Variants in FBXL6 observed in about 807,000 individuals in gnomAD.
The protein encoded by FBXL6 is F-box/LRR-repeat protein 6.
FBXL6 carries 50 observed loss-of-function variants against 53.3 expected under a neutral mutation model. That is an observed-to-expected ratio of 0.94 (90% CI 0.75 to 1.19). FBXL6 has a LOEUF of 1.19. Among genes scored for constraint, FBXL6 ranks in the 50% most tolerant of loss-of-function variants. The pLI is 0.00. For synonymous variants in FBXL6, 405 were observed against 322.9 expected (o/e 1.25, Z -2.73); for missense variants, 815 against 719.0 (o/e 1.13, Z -1.53).
chr8:144,356,483 C>T lies in FBXL6; in HGVS notation c.1042G>A (p.Gly348Arg), dbSNP rs782580052. The T allele has an allele frequency of 3.5e-5, 56 of 1,613,006 alleles. No individual in the cohort carries two copies. The highest frequency in any genetic ancestry group is 4.5e-5 in the Non-Finnish European group (53 of 1,180,022). ...LMWLPKPPGR[G>R]VAPGPGFPSL... ...GGGAAGCCTGGTCCGGGAGCCACCCCTCGTCCCGGAGGCTTGGGCAGCCAC... is the reference window on the plus strand; with the variant it reads ...GGGAAGCCTGGTCCGGGAGCCACCCTTCGTCCCGGAGGCTTGGGCAGCCAC... The change falls in exon 7 of 9, where the codon GGG becomes AGG. Residue 348 changes from glycine to arginine, a missense_variant. Transcript: ENST00000331890.
chr8:144,356,988 A>C lies in FBXL6; in HGVS notation c.771+2T>G. The C allele has an allele frequency of 1.2e-6, 2 of 1,613,012 alleles. No homozygotes were observed. Among genetic ancestry groups the C allele is most frequent in the Non-Finnish European group, 1.7e-6 (2 of 1,180,012 alleles). The stretch of plus-strand genomic sequence containing the variant: ...CAGGGCCCCTTGGGACACAGGGCTC[A>C]CCATGGAGTGCTGTAGGTCCAGGCT... On this transcript the variant is annotated splice_donor_variant, in intron 4 of 8. Coordinates refer to ENST00000331890, the MANE Select transcript of FBXL6 (RefSeq NM_012162.4). LOFTEE classifies it high-confidence loss of function.
chr8:144,355,676 G>A lies in FBXL6; in HGVS notation c.1475C>T (p.Ser492Phe). 6.2e-7 allele frequency: 1 copy of A among 1,610,548 alleles called. No homozygotes were observed. The highest frequency in any genetic ancestry group is 1.3e-5 in the African/African-American group (1 of 74,968). Residue 492 changes from serine (S) to phenylalanine (F), a missense_variant and splice_region_variant, in exon 9 of 9, where the codon TCT (serine) becomes TTT (phenylalanine). Coordinates refer to ENST00000331890, the MANE Select transcript of FBXL6 (RefSeq NM_012162.4). ...CAGGCCCGGGCAGCCGCTGATCACAGAGCTGTGGGGAGGGCAGACCACAGG... is the reference window on the plus strand; with the variant it reads ...CAGGCCCGGGCAGCCGCTGATCACAAAGCTGTGGGGAGGGCAGACCACAGG... ...GTRVTPSTVSSVISGCPGLLY... is the reference protein window; with the variant it reads ...GTRVTPSTVSFVISGCPGLLY...
At chr8:144,357,968 C>A in intron 1 of FBXL6, 64 bp downstream of exon 1, 1 of 1,503,962 alleles carries the variant, frequency 6.6e-7, no homozygotes, top group Non-Finnish European at 8.8e-7. Context: ...CCGCCCGGGC[C>A]ACCGCTCGGA....
chr8:144,358,023 C>T lies in FBXL6; in HGVS notation c.416+9G>A, dbSNP rs1554853341. ...CTACGCTCGGCGGCGGGCCCGGCACCAGCGTTACCTGCCCAGGAAGGGCAT... is the reference window on the plus strand; with the variant it reads ...CTACGCTCGGCGGCGGGCCCGGCACTAGCGTTACCTGCCCAGGAAGGGCAT... On this transcript the variant is annotated intron_variant, in intron 1 of 8. Coordinates refer to ENST00000331890, the MANE Select transcript of FBXL6 (RefSeq NM_012162.4). 1.3e-6 allele frequency: 2 copies of T among 1,587,710 alleles called. No individual in the cohort carries two copies. Among genetic ancestry groups the T allele is most frequent in the East Asian group, 2.3e-5 (1 of 42,696 alleles).
intron 1 of FBXL6, 90 bp downstream of exon 1, chr8:144,357,942 C>T: frequency 6.8e-7 from 1 of 1,461,162 alleles, no homozygotes; most frequent in Non-Finnish European, 9.0e-7. Flanking sequence ...CGCTCCGATG[C>T]TTTCGCCCTC....
chr8:144,356,760 C>T, intron 5 of FBXL6, 47 bp from the exon 6 acceptor site: 1 of 1,611,462 alleles, frequency 6.2e-7, no homozygotes, highest in Non-Finnish European at 8.5e-7. Context: ...AGTGGCCTGG[C>T]AGTCCCCAGC....
chr8:144,357,678 G>A lies in FBXL6; in HGVS notation c.525C>T (p.Val175=). 1.2e-6 allele frequency: 2 copies of A among 1,610,982 alleles called. No individual in the cohort carries two copies. The highest frequency in any genetic ancestry group is 1.7e-6 in the Non-Finnish European group (2 of 1,178,862). ...AAGCAAGGAGCTTCTTCTCCGCCTT[G>A]ACCCCGCCCTTGGCAGGCCGGCCGA... ...PLVGRPAKGG[V]KAEKKLLASL... is the part of the protein sequence containing the mutation. Residue 175 remains valine (V), a synonymous_variant, in exon 2 of 9, where the codon GTC becomes GTT. Coordinates refer to ENST00000331890, the MANE Select transcript of FBXL6 (RefSeq NM_012162.4).
In FBXL6 at chr8:144,357,631, T is replaced by C. The variant is rs756548422; in HGVS notation, c.572A>G (p.Asn191Ser). The C allele has an allele frequency of 1.0e-5, 16 of 1,605,858 alleles. No individual in the cohort carries two copies. The highest frequency in any genetic ancestry group is 1.3e-5 in the African/African-American group (1 of 74,760). ...AGGAAGAGAGGGAACCCCTCACCGA[T>C]TGGGCATAAGCCACTCCAGGGAAGC... ...LLASLEWLMP[N>S]RFSQLQRLTL... Residue 191 changes from asparagine to serine, a missense_variant, in exon 2 of 9, where the codon AAT becomes AGT. By Grantham distance (46) the Asn-to-Ser change is conservative. Transcript: ENST00000331890.
Position 144,357,121 on chromosome 8 carries a change from G to A in FBXL6, c.640C>T (p.Leu214=). 1.2e-6 allele frequency: 2 copies of A among 1,612,870 alleles called. No individual in the cohort carries two copies. The highest frequency in any genetic ancestry group is 1.7e-6 in the Non-Finnish European group (2 of 1,179,982). The change falls in exon 4 of 9, where the codon CTG becomes TTG. Residue 214 remains leucine, a splice_region_variant and synonymous_variant. Coordinates refer to ENST00000331890, the MANE Select transcript of FBXL6 (RefSeq NM_012162.4). ...AGCCGAGGACAGCACTCACCTACCAGCTGCGGGGAGACAGAGGGGCAGCTG... is the reference window on the plus strand; with the variant it reads ...AGCCGAGGACAGCACTCACCTACCAACTGCGGGGAGACAGAGGGGCAGCTG... The part of the protein sequence containing the change: ...WKSQVHPVLK[L]VGECCPRLTF...
At position 144,356,224 on chromosome 8, in the gene FBXL6, A is replaced by C; in HGVS notation, c.1226-10T>G. On this transcript the variant is annotated splice_polypyrimidine_tract_variant and intron_variant, in intron 7 of 8. Transcript: ENST00000331890. ...TGAAGCTGCTCCAGCTCTGCAGTGA[A>C]AGGAGTGAGCATAAGCTACAAGGTG... 6.2e-7 allele frequency: 1 copy of C among 1,611,990 alleles called. No homozygotes were observed. The highest frequency in any genetic ancestry group is 8.5e-7 in the Non-Finnish European group (1 of 1,179,996).
At position 144,357,519 on chromosome 8, in the gene FBXL6, G is replaced by A. The variant is rs1818512286; in HGVS notation, c.576-17C>T. 1.9e-6 allele frequency: 3 copies of A among 1,613,264 alleles called. No individual in the cohort carries two copies. In the Admixed American group the frequency reaches 5.0e-5, roughly 27 times the overall value. On this transcript the variant is annotated splice_polypyrimidine_tract_variant and intron_variant, in intron 2 of 8. Coordinates refer to ENST00000331890, the MANE Select transcript of FBXL6 (RefSeq NM_012162.4). The stretch of plus-strand genomic sequence containing the variant: ...TGTGAAAACCTGGGCCGACAGCGGA[G>A]GCAGAGCTGCACTAATGTTCCCACA...
chr8:144,357,738 C>A lies in FBXL6; in HGVS notation c.465G>T (p.Ala155=), dbSNP rs371752698. The A allele has an allele frequency of 1.9e-6, 3 of 1,603,306 alleles. No individual in the cohort carries two copies. The highest frequency in any genetic ancestry group is 2.2e-5 in the South Asian group (2 of 90,348). The change falls in exon 2 of 9, where the codon GCG becomes GCT. Residue 155 remains alanine (A), a synonymous_variant. Coordinates refer to ENST00000331890, the MANE Select transcript of FBXL6 (RefSeq NM_012162.4). The stretch of plus-strand genomic sequence containing the variant: ...ACGACAGGGTCACGGTGTGCCAGAG[C>A]GCGGGTTGGGAAGCGGCCTCCTGCC... The part of the protein sequence containing the change: ...RRWQEAASQP[A]LWHTVTLSSP...
In FBXL6 at chr8:144,356,636, A is replaced by G; in HGVS notation, c.957T>C (p.Pro319=). 3 of 1,612,978 alleles carry G rather than the reference A, an allele frequency of 1.9e-6. No individual in the cohort carries two copies. Among genetic ancestry groups the G allele is most frequent in the Non-Finnish European group, 2.5e-6 (3 of 1,179,962 alleles). ...INRNSIPLQL[P]VEALQKGCPQ... Reference sequence around the variant, plus strand: ...GGCAGCCTTTCTGCAGAGCCTCGACAGGCAGCTGAAGGGGAATGCTATTAC... The same window carrying G: ...GGCAGCCTTTCTGCAGAGCCTCGACGGGCAGCTGAAGGGGAATGCTATTAC... The change falls in exon 6 of 9, where the codon CCT becomes CCC. Residue 319 remains proline (P), a synonymous_variant. Coordinates refer to ENST00000331890, the MANE Select transcript of FBXL6 (RefSeq NM_012162.4).
chr8:144,358,092 A>T lies in FBXL6; in HGVS notation c.356T>A (p.Ile119Asn). 6.3e-7 allele frequency: 1 copy of T among 1,598,282 alleles called. No individual in the cohort carries two copies. The highest frequency in any genetic ancestry group is 1.7e-5 in the Admixed American group (1 of 59,550). The change falls in exon 1 of 9, where the codon ATC becomes AAC. Residue 119 changes from isoleucine to asparagine, a missense_variant. Coordinates refer to ENST00000331890, the MANE Select transcript of FBXL6 (RefSeq NM_012162.4). ...CAACAACCCGAAAATCTGCACCAGG[A>T]TTTCCAAGGGAATGCGGTCTCCCCA... ...AGWGDRIPLE[I>N]LVQIFGLLVA...
rs782240396 is a variant in FBXL6 at position 144,358,169 on chromosome 8, G to A, written c.279C>T (p.Pro93=). 1 of 1,484,688 alleles carries A rather than the reference G, an allele frequency of 6.7e-7. No individual in the cohort carries two copies. Among genetic ancestry groups the A allele is most frequent in the Non-Finnish European group, 8.9e-7 (1 of 1,125,502 alleles). 92.0% of individuals were successfully genotyped at this position (1,484,688 alleles called of 1,614,324 possible). The part of the protein sequence containing the change: ...AGLRSEAAAA[P]APAPAPTPTP... ...TGGGCGTGGGTGCCGGTGCGGGTGC[G>A]GGCGCGGCCGCCGCCTCGGACCTGA... Residue 93 remains proline (P), a synonymous_variant, in exon 1 of 9, where the codon CCC becomes CCT. Transcript: ENST00000331890.
In FBXL6 at chr8:144,356,599, C is replaced by T; in HGVS notation, c.993+1G>A. 1 of 1,612,910 alleles carries T rather than the reference C, an allele frequency of 6.2e-7. No individual in the cohort carries two copies. Among genetic ancestry groups the T allele is most frequent in the Non-Finnish European group, 8.5e-7 (1 of 1,179,946 alleles). ...GGTGGGAGAGGCAGGGCGCCAGGTA[C>T]CTGGAGCTGAGGGCAGCCTTTCTGC... is the stretch of plus-strand genomic sequence containing the variant. On this transcript the variant is annotated splice_donor_variant, in intron 6 of 8. Coordinates refer to ENST00000331890, the MANE Select transcript of FBXL6 (RefSeq NM_012162.4). LOFTEE classifies it high-confidence loss of function.
In FBXL6 at chr8:144,356,015, C is replaced by T. The variant is rs371891074; in HGVS notation, c.1425G>A (p.Leu475=). The change falls in exon 8 of 9, where the codon CTG becomes CTA. Residue 475 remains leucine (L), a synonymous_variant. Coordinates refer to ENST00000331890, the MANE Select transcript of FBXL6 (RefSeq NM_012162.4). Reference sequence around the variant, plus strand: ...GGGTGCCCCTGAGGTTAAGAGAGCACAGGGCTGGGTGTGAGCCCCCAGGGG... The same window carrying T: ...GGGTGCCCCTGAGGTTAAGAGAGCATAGGGCTGGGTGTGAGCCCCCAGGGG... The part of the protein sequence containing the change: ...LSTPGGSHPA[L]CSLNLRGTRV... 2.5e-6 allele frequency: 4 copies of T among 1,612,990 alleles called. No homozygotes were observed. Among genetic ancestry groups the T allele is most frequent in the Non-Finnish European group, 3.4e-6 (4 of 1,180,006 alleles).
chr8:144,355,592 C>G lies in FBXL6; in HGVS notation c.1559G>C (p.Arg520Pro). The change falls in exon 9 of 9, where the codon CGG (arginine) becomes CCG (proline). Residue 520 changes from arginine to proline, a missense_variant. Transcript: ENST00000331890. ...ACACCACTGGACTTCCTCCAGGCCC[C>G]GGTAGGCCCGCTTCAGACCCCGGGG... ...CLPRGLKRAY[R>P]GLEEVQWCLE... 2 of 1,611,310 alleles carry G rather than the reference C, an allele frequency of 1.2e-6. No homozygotes were observed. Among genetic ancestry groups the G allele is most frequent in the Non-Finnish European group, 8.5e-7 (1 of 1,179,934 alleles).
At position 144,356,734 on chromosome 8, in the gene FBXL6, G is replaced by A. The variant is rs552998165; in HGVS notation, c.880-21C>T. On this transcript the variant is annotated intron_variant, in intron 5 of 8. Coordinates refer to ENST00000331890, the MANE Select transcript of FBXL6 (RefSeq NM_012162.4). ...CTGCCCTGCAGAGATGGGGGGAGGG[G>A]GTAGGTCACAGGGTCAGTGGCCTGG... 1.1e-5 allele frequency: 17 copies of A among 1,610,154 alleles called. No homozygotes were observed. In the Middle Eastern group the frequency reaches 6.6e-4, roughly 63 times the overall value.
Sources: gnomAD v4.1 joint callset for allele counts on GRCh38, gnomAD v4.1.1 for gene constraint, MANE v1.5 for transcripts, NCBI Gene and HGNC (gene_info 2026-07-23, HGNC 2026-07-21) for gene names.